The following KLRG1 variants were observed in gnomAD, a reference collection of about 807,000 sequenced individuals.
The protein encoded by KLRG1 is killer cell lectin like receptor G1, also known as killer cell lectin-like receptor subfamily G member 1.
A neutral mutation model predicts 21.8 loss-of-function variants in KLRG1; 16 were observed. The observed-to-expected ratio is 0.73, with a 90% CI of 0.50 to 1.11. The LOEUF (loss-of-function observed/expected upper bound fraction) is 1.11, where lower values mean the gene tolerates loss of function less well. KLRG1 is among the 50% of genes most tolerant of loss of function. KLRG1 has a pLI of 0.00. For synonymous variants in KLRG1, 69 were observed against 75.9 expected, an observed-to-expected ratio of 0.91 and a Z score of 0.47; for missense variants, 173 against 218.3, an observed-to-expected ratio of 0.79 and a Z score of 1.31.
chr12:8,952,238 T>C (rs1946216865), intron 1 of KLRG1, among the ~76,000 whole-genome samples: 1 of 152,194 alleles, frequency 6.6e-6, no homozygotes, highest in African/African-American at 2.4e-5. Context: ...TGGTCTGAAA[T>C]CAAATGGGAA....
the KLRG1 span, chr12:9,106,431 A>T: frequency 1.4e-6 from 2 of 1,435,348 alleles, no homozygotes; most frequent in Non-Finnish European, 9.7e-7. Context: ...ACAATTCATT[A>T]TTTGGCTAAG....
chr12:9,016,938 A>G, the KLRG1 span, among the ~76,000 whole-genome samples: 121,215 of 151,998 alleles, frequency 0.8, 48,810 homozygotes, highest in African/African-American at 0.85. Context: ...AAAAATAGAA[A>G]AGGAGGGAAT....
the KLRG1 span, among the ~76,000 whole-genome samples, chr12:9,179,651 G>C: frequency 2.0e-5 from 3 of 152,174 alleles, no homozygotes; most frequent in Admixed American, 6.5e-5. Context: ...CCTTATGTTT[G>C]CAGGTATTAA....
At chr12:9,117,457 G>A in the KLRG1 span, among the ~76,000 whole-genome samples, 1 of 152,156 alleles carries the variant, frequency 6.6e-6, no homozygotes, top group African/African-American at 2.4e-5. Context: ...TATTTAAGAG[G>A]TAATTATAGT....
chr12:9,102,723 A>G, the KLRG1 span, among the ~76,000 whole-genome samples: 1 of 152,304 alleles, frequency 6.6e-6, no homozygotes, highest in South Asian at 2.1e-4. Context: ...TTTGGTGACA[A>G]CACATATATG....
At chr12:9,208,007 T>A in the KLRG1 span, among the ~76,000 whole-genome samples, 4 of 152,210 alleles carry the variant, frequency 2.6e-5, no homozygotes, top group African/African-American at 9.6e-5. Context: ...GAAGTTGGGA[T>A]CTAGTGTTTT....
chr12:9,029,085 G>T, the KLRG1 span: 1 of 452,248 alleles, frequency 2.2e-6, no homozygotes, highest in East Asian at 4.4e-5. Flanking sequence ...CTCAGACTTA[G>T]ACATGACGGC....
At chr12:9,034,159 T>A in the KLRG1 span, among the ~76,000 whole-genome samples, 1 of 152,254 alleles carries the variant, frequency 6.6e-6, no homozygotes, top group African/African-American at 2.4e-5. Flanking sequence ...AGCATAATGA[T>A]GTTTCGGTTA....
intron 3 of KLRG1, among the ~76,000 whole-genome samples, chr12:9,003,861 A>G: frequency 8.7e-6 from 1 of 114,934 alleles, no homozygotes; most frequent in East Asian, 2.4e-4. Context: ...CCCTTCCCCC[A>G]CCCCACAACT....
the KLRG1 span, among the ~76,000 whole-genome samples, chr12:9,097,740 C>A: frequency 2.0e-5 from 3 of 149,450 alleles, no homozygotes; most frequent in East Asian, 3.9e-4. Context: ...TCAAGTGATT[C>A]TCCTGCCTCA....
At chr12:9,080,872 T>TA in the KLRG1 span, among the ~76,000 whole-genome samples, 4 of 151,668 alleles carry the variant, frequency 2.6e-5, no homozygotes, top group Non-Finnish European at 5.9e-5. Flanking sequence ...AAATGTTTCT[T>TA]AAAAAAAAGC....
the KLRG1 span, chr12:9,153,490 G>T: frequency 1.7e-6 from 1 of 603,914 alleles, no homozygotes; most frequent in Non-Finnish European, 2.9e-6. Flanking sequence ...CTTTTTCTCT[G>T]CCTTTCAGAC....
At chr12:9,101,254 C>T in the KLRG1 span, 14 of 1,526,322 alleles carry the variant, frequency 9.2e-6, no homozygotes, top group East Asian at 2.0e-4. Context: ...AGAGAGAACA[C>T]GCTTCAGTCT....
the KLRG1 span, among the ~76,000 whole-genome samples, chr12:9,124,868 G>A: frequency 6.6e-6 from 1 of 152,224 alleles, no homozygotes; most frequent in Non-Finnish European, 1.5e-5. Flanking sequence ...CTGAAGGTTG[G>A]GATCCCGGCA....
the KLRG1 span, chr12:9,182,186 A>G: frequency 4.3e-6 from 1 of 233,660 alleles, no homozygotes; most frequent in Non-Finnish European, 7.0e-6. Flanking sequence ...ATAGTGTCAT[A>G]AGGACACTAT....
chr12:9,152,110 T>G, the KLRG1 span: 1 of 857,512 alleles, frequency 1.2e-6, no homozygotes, highest in African/African-American at 1.7e-5. Context: ...GGGAAAAATA[T>G]TTTTTTGAGG....
chr12:8,950,597 TC>T (rs1176495757), intron 1 of KLRG1, among the ~76,000 whole-genome samples: 1 of 152,194 alleles, frequency 6.6e-6, no homozygotes, highest in Non-Finnish European at 1.5e-5. Flanking sequence ...CCGCTTCCAC[TC>T]TTACGTTGCT....
the KLRG1 span, chr12:9,192,549 G>C: frequency 1.2e-6 from 2 of 1,614,088 alleles, no homozygotes; most frequent in Non-Finnish European, 1.7e-6. Flanking sequence ...CTCTCCCATG[G>C]CCTGTCTATT....
At chr12:9,007,818 A>G (rs1947516726) in intron 3 of KLRG1, among the ~76,000 whole-genome samples, 1 of 152,250 alleles carries the variant, frequency 6.6e-6, no homozygotes, top group South Asian at 2.1e-4. Flanking sequence ...TATTTAACCA[A>G]TTAAGCTGTC....
Sources: gnomAD v4.1 joint callset for allele counts (sites outside exome capture counted in the v4.1 genomes callset) on GRCh38, gnomAD v4.1.1 for gene constraint, MANE v1.5 for transcripts, NCBI Gene and HGNC (gene_info 2026-07-23, HGNC 2026-07-21) for gene names.